Variants in MARCHF1 observed in about 807,000 individuals in gnomAD.
The protein encoded by MARCHF1 is E3 ubiquitin-protein ligase MARCHF1.
In MARCHF1, 40 loss-of-function variants were observed where a neutral mutation model predicts 54.2. The observed-to-expected ratio is 0.74, with a 90% CI of 0.57 to 0.96. MARCHF1 has a LOEUF of 0.96. Among genes scored for constraint, MARCHF1 ranks in the 40% least tolerant of loss-of-function variants. MARCHF1 has a pLI of 0.00. For synonymous variants in MARCHF1, 236 were observed against 236.3 expected, an observed-to-expected ratio of 1.00 and a Z score of 0.01; for missense variants, 586 against 656.5, an observed-to-expected ratio of 0.89 and a Z score of 1.17.
At chr4:164,142,823 A>G (rs1355034840) in intron 1 of MARCHF1, among the ~76,000 whole-genome samples, 1 of 152,182 alleles carries the variant, frequency 6.6e-6, no homozygotes, top group Non-Finnish European at 1.5e-5. Flanking sequence ...CTGGACGGAG[A>G]ATGACTTTGA....
intron 1 of MARCHF1, among the ~76,000 whole-genome samples, chr4:164,125,134 A>G (rs1404730787): frequency 6.6e-6 from 1 of 152,186 alleles, no homozygotes; most frequent in Non-Finnish European, 1.5e-5. Flanking sequence ...AACTTAAAAC[A>G]TCATTACAAA....
At chr4:164,160,950 T>A (rs751531411) in intron 1 of MARCHF1, among the ~76,000 whole-genome samples, 7 of 152,034 alleles carry the variant, frequency 4.6e-5, no homozygotes, top group Non-Finnish European at 1.0e-4. Context: ...ACAAAAAAAA[T>A]GACAAAAATC....
chr4:164,356,774 G>GAAAAGCCAAAAAAAAAAAA (rs1730557115), intron 1 of MARCHF1, among the ~76,000 whole-genome samples: 1 of 78,306 alleles, frequency 1.3e-5, no homozygotes, highest in Non-Finnish European at 2.4e-5. Flanking sequence ...AAAAAAAAAA[G>GAAAAGCCAAAAAAAAAAAA]AAAAGCAAAA....
At chr4:163,889,533 C>T (rs758804474) in intron 3 of MARCHF1, among the ~76,000 whole-genome samples, 5 of 151,872 alleles carry the variant, frequency 3.3e-5, no homozygotes, top group Non-Finnish European at 7.4e-5. Flanking sequence ...CAAACATATT[C>T]AATAAATATA....
intron 1 of MARCHF1, among the ~76,000 whole-genome samples, chr4:164,176,968 C>CCATA (rs1201114627): frequency 1.6e-4 from 7 of 43,338 alleles, no homozygotes; most frequent in African/African-American, 6.4e-4. Context: ...CTCTCTCTCT[C>CCATA]TCTCTCTCTC....
rs995346936 is a variant in MARCHF1, at chr4:164,270,502, T to C, written c.-323+113368A>G. 2.6e-5 allele frequency among the ~76,000 whole-genome samples: 4 copies of C among 152,216 alleles called. No homozygotes were observed. In the South Asian group the frequency reaches 8.3e-4, roughly 31 times the overall value. On this transcript the variant is annotated intron_variant, in intron 1 of 9. Coordinates refer to ENST00000514618, the MANE Select transcript of MARCHF1 (RefSeq NM_001394959.1). ...CAGATATTTCTGTTTGGTTCACTGG[T>C]GTATTCTTAAAGCATGTTACATACT...
intron 3 of MARCHF1, among the ~76,000 whole-genome samples, chr4:163,856,083 C>G (rs1749761131): frequency 6.6e-6 from 1 of 152,130 alleles, no homozygotes; most frequent in Admixed American, 6.5e-5. Context: ...GCCTGCTCCC[C>G]CTAATCATGT....
At chr4:164,210,111 AAC>A (rs1294089903) in intron 1 of MARCHF1, among the ~76,000 whole-genome samples, 3 of 152,206 alleles carry the variant, frequency 2.0e-5, no homozygotes, top group Non-Finnish European at 2.9e-5. Flanking sequence ...AAAGCATTTA[AAC>A]ACAAACAAAC....
chr4:163,811,639 C>A (rs1199778832), intron 4 of MARCHF1, among the ~76,000 whole-genome samples: 1 of 152,116 alleles, frequency 6.6e-6, no homozygotes, highest in Non-Finnish European at 1.5e-5. Context: ...GATGGAATTT[C>A]ATTGAATTAC....
intron 4 of MARCHF1, among the ~76,000 whole-genome samples, chr4:163,824,690 A>T (rs1748795943): frequency 1.2e-5 from 1 of 85,752 alleles, no homozygotes; most frequent in Non-Finnish European, 2.7e-5. Context: ...AACTACCATC[A>T]GAGTGAACAG....
At chr4:163,987,598 G>A (rs1752894548) in intron 3 of MARCHF1, among the ~76,000 whole-genome samples, 1 of 152,110 alleles carries the variant, frequency 6.6e-6, no homozygotes, top group Admixed American at 6.5e-5. Context: ...TAGAACTGGA[G>A]GTAGACAAAG....
intron 4 of MARCHF1, among the ~76,000 whole-genome samples, chr4:163,767,365 C>G (rs1187151814): frequency 1.3e-5 from 2 of 150,426 alleles, no homozygotes; most frequent in South Asian, 2.1e-4. Flanking sequence ...GATGGAGTCT[C>G]GCTCGTCGCC....
At chr4:163,549,875 C>T (rs1323357951) in intron 8 of MARCHF1, among the ~76,000 whole-genome samples, 1 of 152,142 alleles carries the variant, frequency 6.6e-6, no homozygotes, top group Non-Finnish European at 1.5e-5. Flanking sequence ...TTTTCTAATT[C>T]AAATTACTTG....
At chr4:163,946,181 A>G (rs563953381) in intron 3 of MARCHF1, among the ~76,000 whole-genome samples, 1 of 152,180 alleles carries the variant, frequency 6.6e-6, no homozygotes, top group Admixed American at 6.5e-5. Context: ...AAAGACAAAA[A>G]TCTCCACCAT....
chr4:164,180,402 A>C (rs998746974), intron 1 of MARCHF1, among the ~76,000 whole-genome samples: 7 of 152,206 alleles, frequency 4.6e-5, no homozygotes, highest in African/African-American at 1.7e-4. Flanking sequence ...CAATTATAAA[A>C]AATTGCTACC....
chr4:163,950,670 G>A lies in MARCHF1; in HGVS notation c.-39+37831C>T, dbSNP rs1460619823. ...CCACACCTCCGCGACTGCAGCCAGC[G>A]TCATGGCAGCGGCTGCTCCAGATAG... On this transcript the variant is annotated intron_variant, in intron 3 of 9. Transcript: ENST00000514618. 3.3e-5 allele frequency among the ~76,000 whole-genome samples: 5 copies of A among 152,214 alleles called. No homozygotes were observed. The East Asian group carries it at 9.7e-4, about 29-fold the overall frequency.
chr4:163,705,582 T>A (rs1279132620), intron 4 of MARCHF1, among the ~76,000 whole-genome samples: 1 of 152,012 alleles, frequency 6.6e-6, no homozygotes, highest in Non-Finnish European at 1.5e-5. Context: ...ACAAACATTA[T>A]GATTTTATAA....
In MARCHF1 at chr4:163,716,216, A is replaced by AAACAAC. The variant is rs555620675; in HGVS notation, c.112-15359_112-15354dup. ...CTGGTAAATGTAATTCAATTTATGTAAACAACAACAACAACAACAACAATA... is the reference window on the plus strand; with the variant it reads ...CTGGTAAATGTAATTCAATTTATGTAAACAACAACAACAACAACAACAACAACAATA... On this transcript the variant is annotated intron_variant, in intron 4 of 9. Transcript: ENST00000514618. Among the ~76,000 whole-genome samples, 36 of 134,414 alleles carry AAACAAC rather than the reference A, an allele frequency of 2.7e-4. No homozygotes were observed. In the South Asian group the frequency reaches 7.3e-3, roughly 27 times the overall value. The allele number at this position is 134,414 out of a possible 152,430, so 88.2% of individuals were successfully genotyped here.
intron 2 of MARCHF1, among the ~76,000 whole-genome samples, chr4:164,055,712 G>A (rs1754475122): frequency 2.0e-5 from 3 of 152,058 alleles, no homozygotes; most frequent in Admixed American, 2.0e-4. Context: ...GGTCCTCTGG[G>A]GACCATTGCT....
Sources: allele counts gnomAD v4.1 joint callset (sites outside exome capture counted in the v4.1 genomes callset), GRCh38; gene constraint gnomAD v4.1.1; transcripts MANE v1.5; gene names NCBI Gene and HGNC (gene_info 2026-07-23, HGNC 2026-07-21).